B3GALT1: variants seen among roughly 807,000 people sequenced by gnomAD.
The protein encoded by B3GALT1 is beta-1,3-galactosyltransferase 1.
Under a neutral mutation model 23.2 loss-of-function variants are expected in B3GALT1, and 10 were observed. The observed-to-expected ratio is 0.43, with a 90% confidence interval of 0.27 to 0.73. The LOEUF is 0.73. Among genes scored for constraint, B3GALT1 ranks in the 30% least tolerant of loss-of-function variants. B3GALT1 has a pLI of 0.21. For missense variants in B3GALT1, 299 were observed against 405.4 expected, an observed-to-expected ratio of 0.74 and a Z score of 2.25; for synonymous variants, 156 against 141.5, an observed-to-expected ratio of 1.10 and a Z score of -0.73.
intron 4 of B3GALT1, among the ~76,000 whole-genome samples, chr2:167,825,738 T>C (rs532206683): frequency 9.2e-5 from 14 of 152,258 alleles, no homozygotes; most frequent in African/African-American, 3.1e-4. Flanking sequence ...TGATTGTGCA[T>C]CTGCCCCTCT....
intron 3 of B3GALT1, among the ~76,000 whole-genome samples, chr2:167,732,788 C>G (rs1264398404): frequency 6.6e-6 from 1 of 151,986 alleles, no homozygotes; most frequent in Non-Finnish European, 1.5e-5. Flanking sequence ...CTATCAGGAC[C>G]CTACATTGAA....
intron 3 of B3GALT1, among the ~76,000 whole-genome samples, chr2:167,707,399 T>A (rs1317432637): frequency 3.3e-5 from 5 of 152,196 alleles, no homozygotes; most frequent in African/African-American, 9.6e-5. Flanking sequence ...TTACTATCTT[T>A]CCATTCCGTA....
At chr2:167,518,315 A>G (rs1700134392) in intron 2 of B3GALT1, among the ~76,000 whole-genome samples, 1 of 152,162 alleles carries the variant, frequency 6.6e-6, no homozygotes, top group African/African-American at 2.4e-5. Context: ...AGCTTAATGT[A>G]AATTCAAACT....
intron 1 of B3GALT1, among the ~76,000 whole-genome samples, chr2:167,382,484 T>C (rs1697860012): frequency 6.6e-6 from 1 of 152,114 alleles, no homozygotes; most frequent in African/African-American, 2.4e-5. Context: ...CCTTCCTCCT[T>C]TTCTTCTTTT....
chr2:167,496,601 C>G (rs1467957109), intron 2 of B3GALT1, among the ~76,000 whole-genome samples: 1 of 152,118 alleles, frequency 6.6e-6, no homozygotes, highest in Non-Finnish European at 1.5e-5. Flanking sequence ...GCCTTTGTGA[C>G]ATCAGTGAAC....
At chr2:167,612,556 A>G (rs560466685) in intron 2 of B3GALT1, among the ~76,000 whole-genome samples, 81 of 151,890 alleles carry the variant, frequency 5.3e-4, no homozygotes, top group Middle Eastern at 3.4e-3. Flanking sequence ...TTTGCATAGG[A>G]TAGGTGATCG....
chr2:167,740,141 G>A (rs987488369), intron 3 of B3GALT1, among the ~76,000 whole-genome samples: 9 of 145,026 alleles, frequency 6.2e-5, no homozygotes, highest in Admixed American at 1.4e-4. Context: ...TAAATAAATA[G>A]AAAAGAAATT....
intron 1 of B3GALT1, among the ~76,000 whole-genome samples, chr2:167,347,348 C>T (rs1321242968): frequency 6.6e-6 from 1 of 152,118 alleles, no homozygotes; most frequent in Non-Finnish European, 1.5e-5. Context: ...GTGAGCTTAA[C>T]TTGATGAAAC....
intron 2 of B3GALT1, among the ~76,000 whole-genome samples, chr2:167,566,750 C>G (rs1193748045): frequency 6.6e-6 from 1 of 152,054 alleles, no homozygotes; most frequent in Non-Finnish European, 1.5e-5. Flanking sequence ...TAATGAAGTG[C>G]AAAAGGGTGG....
intron 2 of B3GALT1, among the ~76,000 whole-genome samples, chr2:167,560,045 C>T: frequency 1.3e-5 from 2 of 151,794 alleles, no homozygotes; most frequent in African/African-American, 4.8e-5. Context: ...ATGTTAAGGG[C>T]AGCCAGAGAG....
At chr2:167,570,951 C>T (rs79478855) in intron 2 of B3GALT1, among the ~76,000 whole-genome samples, 1,822 of 152,004 alleles carry the variant, frequency 0.012, 35 homozygotes, top group African/African-American at 0.042. Context: ...AATTTAGTTT[C>T]GCAAGTATAG....
intron 2 of B3GALT1, among the ~76,000 whole-genome samples, chr2:167,573,894 TC>T (rs772813302): frequency 5.9e-5 from 9 of 151,734 alleles, no homozygotes; most frequent in African/African-American, 9.6e-5. Flanking sequence ...CTACACACAG[TC>T]CGAATTCTAT....
chr2:167,541,980 A>G (rs1295510630), intron 2 of B3GALT1, among the ~76,000 whole-genome samples: 2 of 152,122 alleles, frequency 1.3e-5, no homozygotes, highest in African/African-American at 4.8e-5. Context: ...GTATGGCAAT[A>G]TTAATACAGA....
intron 1 of B3GALT1, among the ~76,000 whole-genome samples, chr2:167,395,032 T>C (rs947902617): frequency 2.0e-5 from 3 of 152,176 alleles, no homozygotes; most frequent in Non-Finnish European, 2.9e-5. Flanking sequence ...CTAATTTATA[T>C]GATTTAGATG....
chr2:167,406,768 A>G (rs934548069), intron 1 of B3GALT1, among the ~76,000 whole-genome samples: 10 of 152,198 alleles, frequency 6.6e-5, no homozygotes, highest in African/African-American at 2.4e-4. Context: ...CAGACTCAGC[A>G]ACACCATGCT....
At position 167,873,057 on chromosome 2, in the gene B3GALT1, C is replaced by T. The variant is rs972108242; in HGVS notation, c.*3037C>T. The T allele has an allele frequency of 6.6e-6, 1 of 152,048 alleles. No homozygotes were observed. Among genetic ancestry groups the T allele is most frequent in the Admixed American group, 6.5e-5 (1 of 15,274 alleles). The allele number at this position is 152,048 out of a possible 1,614,324, so 9.4% of individuals were successfully genotyped here. ...GTTAATTTTATGACATGACACTGGC[C>T]AAAATATTGTTTCAATTACTGTTGA... On this transcript the variant is annotated 3_prime_UTR_variant, in exon 5 of 5. Coordinates refer to ENST00000392690, the MANE Select transcript of B3GALT1 (RefSeq NM_020981.4).
At chr2:167,728,414 A>T (rs1033829924) in intron 3 of B3GALT1, among the ~76,000 whole-genome samples, 7 of 152,208 alleles carry the variant, frequency 4.6e-5, no homozygotes, top group African/African-American at 1.7e-4. Flanking sequence ...AGCTGCACCA[A>T]AATGTATTTT....
intron 2 of B3GALT1, among the ~76,000 whole-genome samples, chr2:167,546,320 A>G (rs1448578187): frequency 6.6e-6 from 1 of 152,112 alleles, no homozygotes; most frequent in Non-Finnish European, 1.5e-5. Flanking sequence ...GTGTTCAGAG[A>G]TTTTACTGGA....
intron 1 of B3GALT1, among the ~76,000 whole-genome samples, chr2:167,486,591 G>A (rs1419749096): frequency 2.6e-5 from 4 of 151,858 alleles, no homozygotes; most frequent in Admixed American, 1.3e-4. Flanking sequence ...TGTGGCGCAC[G>A]CCTGTAGTCC....
Sources: gnomAD v4.1 joint callset for allele counts (sites outside exome capture counted in the v4.1 genomes callset) on GRCh38, gnomAD v4.1.1 for gene constraint, MANE v1.5 for transcripts, NCBI Gene and HGNC (gene_info 2026-07-23, HGNC 2026-07-21) for gene names.